The following FSTL5 variants were observed in gnomAD, a reference collection of about 807,000 sequenced individuals.
FSTL5 encodes follistatin like 5, also known as follistatin-related protein 5.
FSTL5 carries 62 observed loss-of-function variants against 89.1 expected under a neutral mutation model. The ratio of observed to expected loss-of-function variants is 0.70; its 90% confidence interval spans 0.57 to 0.86. The LOEUF is 0.86. Ranked by LOEUF, FSTL5 falls within the 40% of genes least tolerant of loss-of-function variation. FSTL5 has a pLI of 0.00. For synonymous variants in FSTL5, 383 were observed against 346.2 expected (o/e 1.11, Z -1.18); for missense variants, 1,057 against 1,001.6 (o/e 1.06, Z -0.75).
intron 6 of FSTL5, among the ~76,000 whole-genome samples, chr4:161,692,341 C>CGTGTGT (rs70937677): frequency 0.015 from 2,191 of 148,812 alleles, 20 homozygotes; most frequent in African/African-American, 0.025. Context: ...ATATGGAGAT[C>CGTGTGT]GTGTGTGTGT....
At chr4:161,785,219 G>A (rs1434632090) in intron 4 of FSTL5, among the ~76,000 whole-genome samples, 2 of 152,168 alleles carry the variant, frequency 1.3e-5, no homozygotes, top group East Asian at 3.9e-4. Context: ...AGGTACAGAA[G>A]CTACAAGGTG....
intron 7 of FSTL5, among the ~76,000 whole-genome samples, chr4:161,648,614 G>A (rs1483774469): frequency 6.6e-6 from 1 of 152,018 alleles, no homozygotes; most frequent in East Asian, 1.9e-4. Flanking sequence ...CTTTCTGTAA[G>A]ACAGGAATAA....
chr4:161,899,533 C>T (rs1317334251), intron 4 of FSTL5, among the ~76,000 whole-genome samples: 1 of 152,298 alleles, frequency 6.6e-6, no homozygotes, highest in Non-Finnish European at 1.5e-5. Context: ...TAGTGAACTG[C>T]CAGGGAGCTG....
chr4:161,960,287 C>T (rs1735141346), intron 3 of FSTL5, among the ~76,000 whole-genome samples: 1 of 150,342 alleles, frequency 6.7e-6, no homozygotes, highest in Non-Finnish European at 1.5e-5. Context: ...CTGCCTCAGT[C>T]TTCCAAGTAG....
At chr4:161,495,890 C>T (rs1410233227) in intron 12 of FSTL5, among the ~76,000 whole-genome samples, 1 of 152,032 alleles carries the variant, frequency 6.6e-6, no homozygotes, top group Non-Finnish European at 1.5e-5. Flanking sequence ...AACACATTAG[C>T]GTTTTTTCTG....
chr4:161,954,823 T>C (rs1441186610), intron 3 of FSTL5, among the ~76,000 whole-genome samples: 2 of 151,650 alleles, frequency 1.3e-5, no homozygotes, highest in Non-Finnish European at 3.0e-5. Flanking sequence ...TAAATAATCA[T>C]ATAATGAACT....
intron 3 of FSTL5, among the ~76,000 whole-genome samples, chr4:162,001,860 T>G (rs1736474170): frequency 6.6e-6 from 1 of 152,126 alleles, no homozygotes; most frequent in Admixed American, 6.5e-5. Context: ...TTTCTTTTCT[T>G]TTTCTTTAAA....
intron 3 of FSTL5, among the ~76,000 whole-genome samples, chr4:161,972,344 G>A (rs1229396594): frequency 1.3e-5 from 2 of 152,284 alleles, no homozygotes; most frequent in East Asian, 3.9e-4. Flanking sequence ...AAAGTGCTGG[G>A]ATTACAAGCG....
At chr4:161,840,349 T>C (rs942253225) in intron 4 of FSTL5, among the ~76,000 whole-genome samples, 1 of 152,178 alleles carries the variant, frequency 6.6e-6, no homozygotes, top group Non-Finnish European at 1.5e-5. Context: ...AAACTCAGAC[T>C]TGAGAAAAAT....
intron 1 of FSTL5, among the ~76,000 whole-genome samples, chr4:162,140,055 T>A (rs546290837): frequency 1.3e-5 from 2 of 152,232 alleles, no homozygotes; most frequent in Admixed American, 1.3e-4. Flanking sequence ...TATTTTTAGG[T>A]AAATGCCAAT....
chr4:161,575,486 A>G (rs1054378600), intron 8 of FSTL5, among the ~76,000 whole-genome samples: 7 of 150,878 alleles, frequency 4.6e-5, no homozygotes, highest in Non-Finnish European at 7.4e-5. Flanking sequence ...ACAGAGTCTC[A>G]CTCTGTTGCC....
At chr4:161,526,733 G>GT (rs1731233054) in intron 10 of FSTL5, among the ~76,000 whole-genome samples, 1 of 152,040 alleles carries the variant, frequency 6.6e-6, no homozygotes, top group Non-Finnish European at 1.5e-5. Flanking sequence ...TTTTTCTCAG[G>GT]TTTGTCAAAA....
intron 4 of FSTL5, among the ~76,000 whole-genome samples, chr4:161,817,095 C>T (rs1309183477): frequency 6.6e-6 from 1 of 152,116 alleles, no homozygotes; most frequent in Non-Finnish European, 1.5e-5. Context: ...TTCTAACTAT[C>T]CAGGATGATG....
At chr4:161,922,789 T>C (rs959883170) in intron 3 of FSTL5, among the ~76,000 whole-genome samples, 1 of 151,342 alleles carries the variant, frequency 6.6e-6, no homozygotes, top group Non-Finnish European at 1.5e-5. Flanking sequence ...ATGCAATTAT[T>C]TGGAAGATAC....
chr4:161,456,405 C>T (rs1048144206), intron 14 of FSTL5, among the ~76,000 whole-genome samples: 3 of 152,054 alleles, frequency 2.0e-5, no homozygotes, highest in Non-Finnish European at 2.9e-5. Context: ...TTATAAATAT[C>T]TCAGAAAATA....
At chr4:161,848,996 G>A (rs1731466824) in intron 4 of FSTL5, among the ~76,000 whole-genome samples, 1 of 152,074 alleles carries the variant, frequency 6.6e-6, no homozygotes, top group Admixed American at 6.6e-5. Flanking sequence ...GCTCCCTTGG[G>A]GAAGGAATGA....
At chr4:161,784,608 C>T (rs1396025320) in intron 4 of FSTL5, among the ~76,000 whole-genome samples, 1 of 151,948 alleles carries the variant, frequency 6.6e-6, no homozygotes, top group Non-Finnish European at 1.5e-5. Context: ...GATATGCTAT[C>T]CACGGGCTGG....
chr4:161,456,624 G>A (rs927423312), intron 14 of FSTL5, among the ~76,000 whole-genome samples: 1 of 152,148 alleles, frequency 6.6e-6, no homozygotes, highest in African/African-American at 2.4e-5. Flanking sequence ...TGTGAATTCA[G>A]TTTCTCCAAA....
At chr4:161,598,827 A>T (rs970161581) in intron 7 of FSTL5, among the ~76,000 whole-genome samples, 1 of 152,114 alleles carries the variant, frequency 6.6e-6, no homozygotes, top group Non-Finnish European at 1.5e-5. Context: ...ATACACAAAA[A>T]TCAAGAGCAA....
Sources: gnomAD v4.1 joint callset for allele counts (sites outside exome capture counted in the v4.1 genomes callset) on GRCh38, gnomAD v4.1.1 for gene constraint, MANE v1.5 for transcripts, NCBI Gene and HGNC (gene_info 2026-07-23, HGNC 2026-07-21) for gene names.